Variants in DOCK4 observed in about 807,000 individuals in gnomAD.
The protein encoded by DOCK4 is dedicator of cytokinesis 4, also known as dedicator of cytokinesis protein 4.
In DOCK4, 97 loss-of-function variants were observed where a neutral mutation model predicts 268.1. The ratio of observed to expected loss-of-function variants is 0.36; its 90% CI spans 0.31 to 0.43. DOCK4 has a LOEUF of 0.43. Among genes scored for constraint, DOCK4 ranks in the 20% least tolerant of loss-of-function variants. The probability of loss-of-function intolerance (pLI) is 1.00; values close to 1 mark genes in which losing one functional copy is unlikely to be tolerated. For missense variants in DOCK4, 2,145 were observed against 2,455.7 expected (o/e 0.87, Z 2.67); for synonymous variants, 954 against 887.2 (o/e 1.08, Z -1.34).
At chr7:112,072,066 A>G (rs1807636415) in intron 1 of DOCK4, among the ~76,000 whole-genome samples, 2 of 152,222 alleles carry the variant, frequency 1.3e-5, no homozygotes, top group Admixed American at 6.5e-5. Flanking sequence ...TTTGAACACC[A>G]TAGCTATTGG....
intron 8 of DOCK4, among the ~76,000 whole-genome samples, chr7:111,955,507 G>A (rs567145758): frequency 6.6e-6 from 1 of 152,250 alleles, no homozygotes; most frequent in South Asian, 2.1e-4. Context: ...TTAAACTATA[G>A]CCAATTCCAT....
At chr7:112,137,154 T>C (rs1346658792) in intron 1 of DOCK4, among the ~76,000 whole-genome samples, 1 of 152,228 alleles carries the variant, frequency 6.6e-6, no homozygotes, top group African/African-American at 2.4e-5. Context: ...GCCAACCACA[T>C]TTAAATAATT....
At chr7:112,134,563 C>CA (rs60590142) in intron 1 of DOCK4, among the ~76,000 whole-genome samples, 13 of 151,602 alleles carry the variant, frequency 8.6e-5, no homozygotes, top group East Asian at 1.9e-4. Flanking sequence ...ACTAAAAATA[C>CA]AAAAAAAATC....
chr7:111,901,788 A>G lies in DOCK4; in HGVS notation c.1206T>C (p.Asn402=). The G allele has an allele frequency of 6.3e-7, 1 of 1,578,906 alleles. No individual in the cohort carries two copies. Among genetic ancestry groups the G allele is most frequent in the South Asian group, 1.1e-5 (1 of 89,064 alleles). The change falls in exon 14 of 53, where the codon AAT becomes AAC. Residue 402 remains asparagine, a synonymous_variant. Coordinates refer to ENST00000428084, the MANE Select transcript of DOCK4 (RefSeq NM_001363540.2). ...CCCTTTCAATAGTGATATATAAATC[A>G]TTCCTCATTTCACCTATAAGGAAAG... ...SNIIMPGEMR[N]DLYITIERGE...
chr7:111,820,587 TTTAAAACTGAAG>T (rs1801898597), intron 27 of DOCK4: 1 of 152,216 alleles, frequency 6.6e-6, no homozygotes, highest in South Asian at 2.1e-4. Context: ...CCATAAAGTC[TTTAAAACTGAAG>T]TAACGATGGG....
chr7:112,183,479 A>T (rs912732721), intron 1 of DOCK4, among the ~76,000 whole-genome samples: 1 of 152,180 alleles, frequency 6.6e-6, no homozygotes, highest in African/African-American at 2.4e-5. Context: ...TTAGCTGAAA[A>T]CAGTAAACAC....
intron 2 of DOCK4, among the ~76,000 whole-genome samples, chr7:112,003,631 G>A (rs1800620023): frequency 6.6e-6 from 1 of 152,102 alleles, no homozygotes; most frequent in Non-Finnish European, 1.5e-5. Flanking sequence ...TATAGGCCTG[G>A]AGCAGAGTTG....
chr7:112,006,073 T>C (rs541191999), intron 1 of DOCK4, among the ~76,000 whole-genome samples: 18 of 152,312 alleles, frequency 1.2e-4, no homozygotes, highest in Middle Eastern at 3.4e-3. Context: ...GTTGGTGTGA[T>C]CCAAGTTTCA....
At chr7:112,088,034 T>A (rs1347651109) in intron 1 of DOCK4, among the ~76,000 whole-genome samples, 1 of 151,972 alleles carries the variant, frequency 6.6e-6, no homozygotes, top group Non-Finnish European at 1.5e-5. Context: ...TTTAAATAAA[T>A]AGGCTGGAAA....
chr7:112,164,385 T>C (rs983991398), intron 1 of DOCK4, among the ~76,000 whole-genome samples: 70 of 152,224 alleles, frequency 4.6e-4, no homozygotes, highest in Non-Finnish European at 2.9e-5. Flanking sequence ...AATATATACA[T>C]ATATAACTGT....
chr7:111,980,593 T>G (rs1244546663), intron 7 of DOCK4, among the ~76,000 whole-genome samples: 1 of 152,222 alleles, frequency 6.6e-6, no homozygotes, highest in Non-Finnish European at 1.5e-5. Context: ...TATTGACAAC[T>G]AGGCTGAATA....
At chr7:112,122,526 C>T (rs1812828293) in intron 1 of DOCK4, among the ~76,000 whole-genome samples, 1 of 152,140 alleles carries the variant, frequency 6.6e-6, no homozygotes, top group Non-Finnish European at 1.5e-5. Context: ...ACACCTTGGC[C>T]TCCTAAAGTC....
rs752827717 is a variant in DOCK4, at chr7:111,728,346, C to G, written c.5856G>C (p.Leu1952=). ...GGTCAGTCCTCCGGGCCCCATTCTC[C>G]AGGTGGCTGGATCGCGCTGCCAGAG... The part of the protein sequence containing the change: ...PKPLAARSSH[L]ENGARRTDPG... The change falls in exon 53 of 53, where the codon CTG becomes CTC. Residue 1952 remains leucine, a synonymous_variant. Transcript: ENST00000428084. The G allele has an allele frequency of 6.6e-7, 1 of 1,521,314 alleles. No individual in the cohort carries two copies. The highest frequency in any genetic ancestry group is 2.2e-5 in the Admixed American group (1 of 45,206). The allele number at this position is 1,521,314 out of a possible 1,614,324, so 94.2% of individuals were successfully genotyped here. A position where few individuals can be genotyped will look rare whatever the true frequency, so the allele number is the denominator to read the frequency against.
chr7:112,121,705 G>C (rs1381590786), intron 1 of DOCK4, among the ~76,000 whole-genome samples: 1 of 152,156 alleles, frequency 6.6e-6, no homozygotes, highest in East Asian at 1.9e-4. Context: ...ATAACTCTAG[G>C]CAGGAAGGCT....
At position 112,094,220 on chromosome 7, in the gene DOCK4, GA is replaced by G. The variant is rs771249112; in HGVS notation, c.38-90090del. ...TGGTTGAATTAACAGTCATCACAAG[GA>G]AAAAAAAAACTACAATGGTATCAGG... On this transcript the variant is annotated intron_variant, in intron 1 of 52. Coordinates refer to ENST00000428084, the MANE Select transcript of DOCK4 (RefSeq NM_001363540.2). Among the ~76,000 whole-genome samples, 36 of 128,276 alleles carry G rather than the reference GA, an allele frequency of 2.8e-4. No individual in the cohort carries two copies. The East Asian group carries it at 4.5e-3, about 16-fold the overall frequency. The allele number at this position is 128,276 out of a possible 152,430, so 84.2% of individuals were successfully genotyped here.
chr7:111,862,023 G>A (rs1039524618), intron 23 of DOCK4, among the ~76,000 whole-genome samples: 2 of 152,044 alleles, frequency 1.3e-5, no homozygotes, highest in South Asian at 4.2e-4. Context: ...AAGCAAGGCC[G>A]GGTGCGGTGA....
intron 1 of DOCK4, among the ~76,000 whole-genome samples, chr7:112,106,735 T>C (rs546223507): frequency 6.6e-6 from 1 of 152,192 alleles, no homozygotes; most frequent in Non-Finnish European, 1.5e-5. Flanking sequence ...CATTTGCCAG[T>C]TGAATGCAGA....
At chr7:111,796,888 T>A (rs1799934044) in intron 30 of DOCK4, among the ~76,000 whole-genome samples, 2 of 152,172 alleles carry the variant, frequency 1.3e-5, no homozygotes, top group African/African-American at 4.8e-5. Flanking sequence ...GTTCCATGGC[T>A]TGCAGCACCA....
chr7:111,769,750 C>T lies in DOCK4; in HGVS notation c.3680-73G>A, dbSNP rs1305102306. ...CATTCCCTCAAATGTGGCCAGTTTC[C>T]GACAAACTGGGGAAAAAAAATACTA... On this transcript the variant is annotated intron_variant, in intron 36 of 52. Coordinates refer to ENST00000428084, the MANE Select transcript of DOCK4 (RefSeq NM_001363540.2). 2.1e-5 allele frequency: 32 copies of T among 1,514,000 alleles called. 1 individual carries two copies. The highest frequency in any genetic ancestry group is 8.7e-5 in the South Asian group (7 of 80,372). 93.8% of individuals were successfully genotyped at this position (1,514,000 alleles called of 1,614,324 possible). A position where few individuals can be genotyped will look rare whatever the true frequency, so the allele number is the denominator to read the frequency against.
Sources: gnomAD v4.1 joint callset for allele counts (sites outside exome capture counted in the v4.1 genomes callset) on GRCh38, gnomAD v4.1.1 for gene constraint, MANE v1.5 for transcripts, NCBI Gene and HGNC (gene_info 2026-07-23, HGNC 2026-07-21) for gene names.